The following PARP8 variants were observed in gnomAD, a reference collection of about 807,000 sequenced individuals.
PARP8 encodes poly(ADP-ribose) polymerase family member 8, also known as protein mono-ADP-ribosyltransferase PARP8.
A neutral mutation model predicts 124.1 loss-of-function variants in PARP8; 51 were observed. That is an observed-to-expected ratio of 0.41 (90% CI 0.33 to 0.52). The LOEUF (loss-of-function observed/expected upper bound fraction) is 0.52. PARP8 is among the 20% of genes least tolerant of loss of function. The pLI, the probability that PARP8 is intolerant of heterozygous loss-of-function variation, is 0.21. For missense variants in PARP8, 860 were observed against 1,018.9 expected, an observed-to-expected ratio of 0.84 and a Z score of 2.12; for synonymous variants, 391 against 361.5, an observed-to-expected ratio of 1.08 and a Z score of -0.93.
chr5:50,669,871 C>A (rs946319454), intron 2 of PARP8, among the ~76,000 whole-genome samples: 1 of 152,156 alleles, frequency 6.6e-6, no homozygotes, highest in Admixed American at 6.5e-5. Context: ...TGGCTAAGAT[C>A]GAGCACAAGT....
At chr5:50,703,973 T>A (rs527817515) in intron 2 of PARP8, among the ~76,000 whole-genome samples, 1 of 152,282 alleles carries the variant, frequency 6.6e-6, no homozygotes, top group East Asian at 1.9e-4. Flanking sequence ...ACCTGCTATA[T>A]ACAGCAAGAT....
chr5:50,749,256 T>C (rs1387440225), intron 2 of PARP8, among the ~76,000 whole-genome samples: 2 of 152,330 alleles, frequency 1.3e-5, no homozygotes, highest in Non-Finnish European at 2.9e-5. Flanking sequence ...TTTTTTTGTC[T>C]TAACAGGCAG....
At chr5:50,788,838 C>T (rs1225773696) in intron 10 of PARP8, among the ~76,000 whole-genome samples, 6 of 152,188 alleles carry the variant, frequency 3.9e-5, no homozygotes, top group Non-Finnish European at 8.8e-5. Context: ...ACCCTGCTCT[C>T]TACCTGGGGA....
intron 2 of PARP8, among the ~76,000 whole-genome samples, chr5:50,715,066 A>G (rs1755157368): frequency 1.3e-5 from 2 of 151,944 alleles, no homozygotes; most frequent in Non-Finnish European, 2.9e-5. Flanking sequence ...GGAAACAGTC[A>G]TCAGTGGCCA....
At chr5:50,784,240 T>G (rs997458886) in intron 9 of PARP8, among the ~76,000 whole-genome samples, 2 of 152,172 alleles carry the variant, frequency 1.3e-5, no homozygotes, top group African/African-American at 4.8e-5. Flanking sequence ...TGGCTACAGC[T>G]AATCTGACAG....
intron 7 of PARP8, among the ~76,000 whole-genome samples, chr5:50,763,725 T>G (rs1015831111): frequency 6.6e-6 from 1 of 152,192 alleles, no homozygotes; most frequent in African/African-American, 2.4e-5. Context: ...TGGTGATAAA[T>G]TTACACATCA....
chr5:50,817,812 T>TA (rs1012733985), intron 15 of PARP8, among the ~76,000 whole-genome samples: 1 of 152,176 alleles, frequency 6.6e-6, no homozygotes, highest in African/African-American at 2.4e-5. Flanking sequence ...GACTAATGAC[T>TA]AAAGACTAAT....
intron 1 of PARP8, 137 bp downstream of exon 1, chr5:50,667,323 G>A: frequency 2.2e-6 from 2 of 909,568 alleles, no homozygotes; most frequent in Non-Finnish European, 3.5e-6. Context: ...CTGCTGCAAC[G>A]AGCGCGGGAG....
chr5:50,794,577 G>GT (rs1353395531), intron 11 of PARP8, among the ~76,000 whole-genome samples: 1 of 152,070 alleles, frequency 6.6e-6, no homozygotes, highest in Non-Finnish European at 1.5e-5. Context: ...ATCACCTAGA[G>GT]TTTTTCCTAC....
chr5:50,827,325 T>A (rs767883951), intron 19 of PARP8, among the ~76,000 whole-genome samples: 5 of 152,128 alleles, frequency 3.3e-5, no homozygotes, highest in Non-Finnish European at 5.9e-5. Context: ...AAATGTGAGA[T>A]TCCTATGCAT....
At position 50,667,166 on chromosome 5, in the gene PARP8, A is replaced by C; in HGVS notation, c.71A>C (p.Glu24Ala). Reference protein sequence around the residue: ...IDVVIQKSRAEKDCLFADFRY... With the variant: ...IDVVIQKSRAAKDCLFADFRY... The stretch of plus-strand genomic sequence containing the variant: ...GTCGTGATCCAGAAGTCCAGAGCTG[A>C]GAAGGACTGCCTGTTTGCAGGTGAG... The change falls in exon 1 of 26, where the codon GAG becomes GCG. Residue 24 changes from glutamate to alanine, a missense_variant. Around this residue, in one of 2 missense-constraint regions of PARP8, gnomAD observed 517 missense variants for 544.2 expected, o/e 0.95. Coordinates refer to ENST00000281631, the MANE Select transcript of PARP8 (RefSeq NM_024615.4). 3.1e-6 allele frequency: 5 copies of C among 1,595,870 alleles called. No individual in the cohort carries two copies. The highest frequency in any genetic ancestry group is 4.2e-6 in the Non-Finnish European group (5 of 1,179,750).
At chr5:50,779,401 T>A (rs1740412206) in intron 9 of PARP8, among the ~76,000 whole-genome samples, 1 of 152,160 alleles carries the variant, frequency 6.6e-6, no homozygotes, top group Non-Finnish European at 1.5e-5. Flanking sequence ...TGGGGCCAAA[T>A]CAAGGCCTCA....
chr5:50,669,871 C>G (rs946319454), intron 2 of PARP8, among the ~76,000 whole-genome samples: 5 of 152,274 alleles, frequency 3.3e-5, no homozygotes, highest in South Asian at 2.1e-4. Flanking sequence ...TGGCTAAGAT[C>G]GAGCACAAGT....
chr5:50,762,257 A>G (rs1282638083), intron 6 of PARP8, among the ~76,000 whole-genome samples: 1 of 152,130 alleles, frequency 6.6e-6, no homozygotes, highest in East Asian at 1.9e-4. Context: ...TTAGTTTTAA[A>G]TAGAAGCTGG....
chr5:50,758,405 C>T (rs910924259), intron 3 of PARP8, among the ~76,000 whole-genome samples: 1 of 152,144 alleles, frequency 6.6e-6, no homozygotes, highest in Non-Finnish European at 1.5e-5. Context: ...TCTTTTGCAG[C>T]TAACCTGTAC....
chr5:50,820,946 AG>A (rs2149700700), intron 15 of PARP8, among the ~76,000 whole-genome samples: 1 of 152,344 alleles, frequency 6.6e-6, no homozygotes, highest in African/African-American at 2.4e-5. Flanking sequence ...GTCTTACCAT[AG>A]GGTCTAGAAC....
chr5:50,828,019 G>A lies in PARP8; in HGVS notation c.2053G>A (p.Ala685Thr), dbSNP rs756862351. The A allele has an allele frequency of 2.1e-5, 34 of 1,613,386 alleles. No homozygotes were observed. Among genetic ancestry groups the A allele is most frequent in the Non-Finnish European group, 2.9e-5 (34 of 1,179,468 alleles). The change falls in exon 20 of 26, where the codon GCT becomes ACT. Residue 685 changes from alanine (A) to threonine (T), a missense_variant. This residue lies in a region of PARP8 where 343 missense variants were observed against 474.7 expected (regional missense o/e 0.72). Transcript: ENST00000281631. The part of the protein sequence containing the change: ...SPPAKESNFR[A>T]AKKLFGSTFA... Reference sequence around the variant, plus strand: ...ACCAGCCAAAGAATCCAATTTTAGAGCTGCTAAAAAACTCTTTGGAAGCAC... The same window carrying A: ...ACCAGCCAAAGAATCCAATTTTAGAACTGCTAAAAAACTCTTTGGAAGCAC...
intron 2 of PARP8, among the ~76,000 whole-genome samples, chr5:50,683,225 T>C (rs1048552237): frequency 2.0e-5 from 3 of 152,204 alleles, no homozygotes; most frequent in African/African-American, 7.2e-5. Context: ...TTGAGGAAGT[T>C]GTTTAACCCT....
At chr5:50,749,992 G>A (rs1177586298) in intron 2 of PARP8, among the ~76,000 whole-genome samples, 159 bp from the exon 3 acceptor site, 4 of 151,986 alleles carry the variant, frequency 2.6e-5, no homozygotes, top group Non-Finnish European at 5.9e-5. Flanking sequence ...TTCTTATGGC[G>A]GATATAAAAG....
Sources: gnomAD v4.1 joint callset for allele counts (sites outside exome capture counted in the v4.1 genomes callset) on GRCh38, gnomAD v4.1.1 for gene constraint, gnomAD v4.1.1 regional missense constraint, MANE v1.5 for transcripts, NCBI Gene and HGNC (gene_info 2026-07-23, HGNC 2026-07-21) for gene names.